Variants in HK1 observed in about 807,000 individuals in gnomAD.
HK1 encodes the protein hexokinase-1.
A neutral mutation model predicts 91.6 loss-of-function variants in HK1; 28 were observed. The ratio of observed to expected loss-of-function variants is 0.31; its 90% CI spans 0.23 to 0.42. The LOEUF is 0.42. HK1 is among the 10% of genes least tolerant of loss of function. The pLI, the probability that HK1 is intolerant of heterozygous loss-of-function variation, is 1.00. For synonymous variants in HK1, 430 were observed against 468.1 expected (o/e 0.92, Z 1.05); for missense variants, 770 against 1,219.8 (o/e 0.63, Z 5.49).
upstream of HK1, among the ~76,000 whole-genome samples, chr10:69,316,756 T>G (rs575008685): frequency 1.1e-4 from 17 of 152,346 alleles, no homozygotes; most frequent in East Asian, 3.3e-3. Flanking sequence ...TGTTTTTGAT[T>G]ATGCATTAGG....
intron 2 of HK1, among the ~76,000 whole-genome samples, chr10:69,283,124 C>CAAAAAA (rs34547808): frequency 1.2e-4 from 7 of 60,826 alleles, no homozygotes; most frequent in Non-Finnish European, 1.7e-4. Context: ...AACTCAGTTT[C>CAAAAAA]AAAAAAAAAA....
At chr10:69,289,461 ATTTTTTTTTTTTT>A (rs67564699) in intron 3 of HK1, among the ~76,000 whole-genome samples, 71,071 of 115,050 alleles carry the variant, frequency 0.62, 20,333 homozygotes, top group East Asian at 0.76. Context: ...AAAAAAAAAA[ATTTTTTTTTTTTT>A]TTTTTTTTTT....
rs1313910666 is a variant in HK1, at chr10:69,384,496, C to T, written c.1719+15C>T. ...CTGGGGAAGAGGTGAGATTACAAAA[C>T]CATAGTGCATGTGCACTGCACACAC... On this transcript the variant is annotated intron_variant, in intron 11 of 17. Coordinates refer to ENST00000359426, the MANE Select transcript of HK1 (RefSeq NM_000188.3). 3.7e-6 allele frequency: 6 copies of T among 1,614,174 alleles called. No individual in the cohort carries two copies. The highest frequency in any genetic ancestry group is 1.7e-5 in the Admixed American group (1 of 60,032).
At chr10:69,367,651 G>A (rs1342143067) in intron 4 of HK1, among the ~76,000 whole-genome samples, 1 of 152,090 alleles carries the variant, frequency 6.6e-6, no homozygotes, top group Non-Finnish European at 1.5e-5. Flanking sequence ...GGCTCCCACC[G>A]TGAGCTGGGG....
intron 14 of HK1, among the ~76,000 whole-genome samples, chr10:69,389,837 G>T (rs868523256): frequency 1.3e-5 from 2 of 152,298 alleles, no homozygotes; most frequent in Non-Finnish European, 2.9e-5. Context: ...GTTGCAGAGG[G>T]GTTGTCTCTG....
At chr10:69,378,050 T>C (rs1255159200) in intron 8 of HK1, among the ~76,000 whole-genome samples, 3 of 152,224 alleles carry the variant, frequency 2.0e-5, no homozygotes, top group Non-Finnish European at 4.4e-5. Flanking sequence ...CTGGACCAAC[T>C]CTTCTGCCAA....
intron 8 of HK1, among the ~76,000 whole-genome samples, chr10:69,378,442 T>C (rs1839226377): frequency 1.3e-5 from 2 of 152,198 alleles, no homozygotes; most frequent in Admixed American, 6.5e-5. Context: ...TTTTCGTTTT[T>C]GTTTTTGTTT....
At chr10:69,280,922 C>T (rs182244938) in intron 1 of HK1, among the ~76,000 whole-genome samples, 1 of 152,304 alleles carries the variant, frequency 6.6e-6, no homozygotes, top group Non-Finnish European at 1.5e-5. Flanking sequence ...CCCTGTGCCA[C>T]TAATCTCTGA....
intron 2 of HK1, among the ~76,000 whole-genome samples, chr10:69,345,386 C>T (rs1348598273): frequency 3.9e-5 from 6 of 152,156 alleles, no homozygotes; most frequent in African/African-American, 4.8e-5. Context: ...GTTCGCTTGT[C>T]TCTGGCTGGA....
At chr10:69,332,392 T>TCTTTCTTTC (rs1369494121) in intron 1 of HK1, among the ~76,000 whole-genome samples, 15 of 151,142 alleles carry the variant, frequency 9.9e-5, no homozygotes, top group South Asian at 2.1e-4. Flanking sequence ...TTTTTTTCTT[T>TCTTTCTTTC]TTTTGAGACA....
chr10:69,302,121 C>A (rs1845904275), intron 5 of HK1, among the ~76,000 whole-genome samples: 2 of 151,718 alleles, frequency 1.3e-5, no homozygotes, highest in African/African-American at 4.8e-5. Context: ...GAGGTAGGTG[C>A]CTGTAATCCC....
chr10:69,313,088 C>G (rs1217406339), upstream of HK1, among the ~76,000 whole-genome samples: 1 of 152,184 alleles, frequency 6.6e-6, no homozygotes, highest in African/African-American at 2.4e-5. Context: ...AAGAGAGGCA[C>G]TGATGGAGTA....
chr10:69,351,207 AT>A (rs879554655), intron 2 of HK1, among the ~76,000 whole-genome samples: 15,359 of 147,218 alleles, frequency 0.1, 1,304 homozygotes, highest in African/African-American at 0.23. Flanking sequence ...AAATAAATAA[AT>A]AAATAAAACC....
intron 4 of HK1, chr10:69,296,443 T>G (rs1845567094): frequency 6.6e-6 from 1 of 152,256 alleles, no homozygotes; most frequent in Admixed American, 6.5e-5. Flanking sequence ...TGCGTAGCTT[T>G]ATTCTTGTTC....
chr10:69,383,566 G>A (rs973076801), intron 10 of HK1, among the ~76,000 whole-genome samples: 1 of 152,246 alleles, frequency 6.6e-6, no homozygotes, highest in Non-Finnish European at 1.5e-5. Flanking sequence ...TATTGTTCAT[G>A]CATCTGTGGG....
In HK1 at chr10:69,382,587, G is replaced by C. The variant is rs758234505; in HGVS notation, c.1366G>C (p.Val456Leu). The C allele has an allele frequency of 6.2e-7, 1 of 1,614,214 alleles. No individual in the cohort carries two copies. Among genetic ancestry groups the C allele is most frequent in the South Asian group, 1.1e-5 (1 of 91,084 alleles). ...ESGSGKGAAM[V>L]TAVAYRLAEQ... ...TGGCAGCGGCAAGGGGGCTGCCATGGTGACGGCGGTGGCCTACCGCTTGGC... is the reference window on the plus strand; with the variant it reads ...TGGCAGCGGCAAGGGGGCTGCCATGCTGACGGCGGTGGCCTACCGCTTGGC... Residue 456 changes from valine to leucine, a missense_variant, in exon 10 of 18, where the codon GTG becomes CTG. This residue lies in a region of HK1 where 449 missense variants were observed against 665.1 expected (regional missense o/e 0.68). Transcript: ENST00000359426.
At chr10:69,378,093 C>T (rs1839206923) in intron 8 of HK1, among the ~76,000 whole-genome samples, 1 of 152,188 alleles carries the variant, frequency 6.6e-6, no homozygotes, top group Admixed American at 6.5e-5. Flanking sequence ...TATGATCACT[C>T]TCCTGAGTTT....
chr10:69,276,122 CATAT>C (rs1491489087), intron 1 of HK1, among the ~76,000 whole-genome samples: 3 of 49,002 alleles, frequency 6.1e-5, no homozygotes, highest in Non-Finnish European at 1.1e-4. Context: ...AAAAAAAATA[CATAT>C]ATATATATAT....
chr10:69,352,601 G>A (rs976788613), intron 2 of HK1, among the ~76,000 whole-genome samples: 1 of 152,140 alleles, frequency 6.6e-6, no homozygotes, highest in African/African-American at 2.4e-5. Flanking sequence ...CTTATGCCGG[G>A]TGAAAGAAGC....
Sources: allele counts gnomAD v4.1 joint callset (sites outside exome capture counted in the v4.1 genomes callset), GRCh38; gene constraint gnomAD v4.1.1; regional missense constraint gnomAD v4.1.1; transcripts MANE v1.5; gene names NCBI Gene and HGNC (gene_info 2026-07-23, HGNC 2026-07-21).